The following OTOP2 variants were observed in gnomAD, a reference collection of about 807,000 sequenced individuals.
OTOP2 encodes otopetrin 2.
OTOP2 carries 41 observed loss-of-function variants against 47.4 expected under a neutral mutation model. That is an observed-to-expected ratio of 0.87 (90% CI 0.67 to 1.12). OTOP2 has a LOEUF of 1.12. OTOP2 is among the 50% of genes most tolerant of loss of function. The pLI, the probability that OTOP2 is intolerant of heterozygous loss-of-function variation, is 0.00. For synonymous variants in OTOP2, 328 were observed against 319.6 expected (o/e 1.03, Z -0.28); for missense variants, 721 against 752.2 (o/e 0.96, Z 0.49).
In OTOP2 at chr17:74,933,724, C is replaced by A; in HGVS notation, c.*179C>A. 1 of 698,416 alleles carries A rather than the reference C, an allele frequency of 1.4e-6. No homozygotes were observed. Among genetic ancestry groups the A allele is most frequent in the Non-Finnish European group, 2.3e-6 (1 of 443,882 alleles). The allele number at this position is 698,416 out of a possible 1,614,324, so 43.3% of individuals were successfully genotyped here. A position where few individuals can be genotyped will look rare whatever the true frequency, so the allele number is the denominator to read the frequency against. On this transcript the variant is annotated 3_prime_UTR_variant, in exon 7 of 7. Transcript: ENST00000331427. The surrounding 1 kb of genome is among the most constrained non-coding windows in gnomAD (Gnocchi z 4.7). The stretch of plus-strand genomic sequence containing the variant: ...TTCAATTTTTAAATCACAGTCAGGA[C>A]AGGCCCATCCACCCCAGTATGACCG...
rs1166913852 is a variant in OTOP2, at chr17:74,924,726, TCGGTGCTGCTGG to T, written c.100_111del (p.Leu34_Val37del). 3 of 1,608,188 alleles carry T rather than the reference TCGGTGCTGCTGG, an allele frequency of 1.9e-6. No individual in the cohort carries two copies. The highest frequency in any genetic ancestry group is 1.7e-6 in the Non-Finnish European group (2 of 1,177,958). ...GTGGAAGAAGGGTGGCCGCCTGCTG[TCGGTGCTGCTGG>T]CGGTGAACGTGCTGCTCCTCGCCTG... On this transcript the variant is annotated inframe_deletion, in exon 2 of 7. Coordinates refer to ENST00000331427, the MANE Select transcript of OTOP2 (RefSeq NM_178160.3). The surrounding 1 kb of genome is among the most constrained non-coding windows in gnomAD (Gnocchi z 7.7).
In OTOP2 at chr17:74,931,477, C is replaced by T. The variant is rs571674266; in HGVS notation, c.1518+324C>T. Among the ~76,000 whole-genome samples the T allele has an allele frequency of 1.8e-4, 27 of 152,268 alleles. 1 individual carries two copies. Among genetic ancestry groups the T allele is most frequent in the South Asian group, 1.2e-3 (6 of 4,824 alleles). On this transcript the variant is annotated intron_variant, in intron 6 of 6. Coordinates refer to ENST00000331427, the MANE Select transcript of OTOP2 (RefSeq NM_178160.3). ...CTGATGTGGAAGGCGGGGTCCTCAC[C>T]CCCCAGTGGGAGGTGTGACTGCTCC...
chr17:74,927,190 G>C (rs770463709), intron 3 of OTOP2, 33 bp from the exon 4 acceptor site: 23 of 1,580,444 alleles, frequency 1.5e-5, no homozygotes, highest in Admixed American at 1.3e-4. Context: ...CATCTATGGA[G>C]TAAATGACTC....
Position 74,930,474 on chromosome 17 carries a change from C to G in OTOP2, c.839C>G (p.Thr280Ser), listed in dbSNP as rs776160066. 22 of 1,613,816 alleles carry G rather than the reference C, an allele frequency of 1.4e-5. No homozygotes were observed. Among genetic ancestry groups the G allele is most frequent in the Non-Finnish European group, 1.8e-5 (21 of 1,179,790 alleles). Residue 280 changes from threonine to serine, a missense_variant, in exon 6 of 7, where the codon ACC (threonine) becomes AGC (serine). By Grantham distance (58) the Thr-to-Ser change is moderately conservative. Coordinates refer to ENST00000331427, the MANE Select transcript of OTOP2 (RefSeq NM_178160.3). The surrounding 1 kb of genome is among the most constrained non-coding windows in gnomAD (Gnocchi z 4.0). The part of the protein sequence containing the change: ...ASTPGHSHTP[T>S]PVSLFRETFF... ...ACCCCTGGCCACAGCCACACCCCAA[C>G]CCCTGTCAGCCTCTTCCGGGAGACC... is the stretch of plus-strand genomic sequence containing the variant.
intron 6 of OTOP2, among the ~76,000 whole-genome samples, chr17:74,932,229 C>A (rs940260857): frequency 2.0e-5 from 3 of 152,254 alleles, no homozygotes; most frequent in East Asian, 3.9e-4. Flanking sequence ...CCAGCTAGAA[C>A]CTCCAATAGA....
In OTOP2 at chr17:74,924,810, AC is replaced by A. The variant is rs1259232157; in HGVS notation, c.180del (p.Asp61ThrfsTer9). ...CTTCAACAAGGTGGCCGTGTACGAC[AC>A]CGACGTGTTCGCGCTGCTCACTGCG... ...GAFNKVAVYD[T>X]DVFALLTAMM... On this transcript the variant is annotated frameshift_variant, in exon 2 of 7. Coordinates refer to ENST00000331427, the MANE Select transcript of OTOP2 (RefSeq NM_178160.3). LOFTEE classifies it high-confidence loss of function. This position sits in a 1 kb window ranked among gnomAD's most constrained non-coding sequence, Gnocchi z 7.7. 1 of 1,610,462 alleles carries A rather than the reference AC, an allele frequency of 6.2e-7. No individual in the cohort carries two copies. Among genetic ancestry groups the A allele is most frequent in the African/African-American group, 1.3e-5 (1 of 75,008 alleles).
At chr17:74,929,154 T>C (rs944666173) in intron 5 of OTOP2, among the ~76,000 whole-genome samples, 1 of 152,006 alleles carries the variant, frequency 6.6e-6, no homozygotes, top group African/African-American at 2.4e-5. Context: ...AGGCCCAGAG[T>C]ATCCTACAAA....
At position 74,924,430 on chromosome 17, in the gene OTOP2, C is replaced by A. The variant is rs1837729939; in HGVS notation, c.-34+97C>A. On this transcript the variant is annotated intron_variant, in intron 1 of 6. Coordinates refer to ENST00000331427, the MANE Select transcript of OTOP2 (RefSeq NM_178160.3). The surrounding 1 kb of genome is among the most constrained non-coding windows in gnomAD (Gnocchi z 7.7). ...CCGCTTCTCCTTTCTTCCCATCCAG[C>A]GAGAGGGGCAGGTTCCGCATTTTCT... 5.1e-6 allele frequency: 3 copies of A among 587,150 alleles called. No homozygotes were observed. Among genetic ancestry groups the A allele is most frequent in the Non-Finnish European group, 5.7e-6 (2 of 348,024 alleles). The allele number at this position is 587,150 out of a possible 1,614,324, so 36.4% of individuals were successfully genotyped here. A position where few individuals can be genotyped will look rare whatever the true frequency, so the allele number is the denominator to read the frequency against.
Position 74,924,629 on chromosome 17 carries a change from C to A in OTOP2, c.-4C>A. 6.4e-7 allele frequency: 1 copy of A among 1,563,140 alleles called. No homozygotes were observed. The highest frequency in any genetic ancestry group is 2.3e-5 in the East Asian group (1 of 44,078). On this transcript the variant is annotated 5_prime_UTR_variant, in exon 2 of 7. Coordinates refer to ENST00000331427, the MANE Select transcript of OTOP2 (RefSeq NM_178160.3). This position sits in a 1 kb window ranked among gnomAD's most constrained non-coding sequence, Gnocchi z 7.7. ...CCCTCTAGCCTTCTCCAGTCGCCTCCGCCATGTCCGAGGAGCTGGCCCAGG... is the reference window on the plus strand; with the variant it reads ...CCCTCTAGCCTTCTCCAGTCGCCTCAGCCATGTCCGAGGAGCTGGCCCAGG...
In OTOP2 at chr17:74,924,778, G is replaced by A; in HGVS notation, c.146G>A (p.Gly49Asp). The change falls in exon 2 of 7, where the codon GGC becomes GAC. Residue 49 changes from glycine (G) to aspartate (D), a missense_variant. Gly to Asp is a moderately conservative substitution (Grantham distance 94). Coordinates refer to ENST00000331427, the MANE Select transcript of OTOP2 (RefSeq NM_178160.3). This position sits in a 1 kb window ranked among gnomAD's most constrained non-coding sequence, Gnocchi z 7.7. ...VLLLACTLIS[G>D]GAFNKVAVYD... is the part of the protein sequence containing the mutation. The stretch of plus-strand genomic sequence containing the variant: ...CTCCTCGCCTGCACGCTCATCAGCG[G>A]CGGAGCCTTCAACAAGGTGGCCGTG... The A allele has an allele frequency of 6.2e-7, 1 of 1,611,232 alleles. No individual in the cohort carries two copies. Among genetic ancestry groups the A allele is most frequent in the Non-Finnish European group, 8.5e-7 (1 of 1,179,110 alleles).
chr17:74,926,778 G>C (rs186894392), intron 3 of OTOP2, among the ~76,000 whole-genome samples: 1 of 140,396 alleles, frequency 7.1e-6, no homozygotes, highest in South Asian at 2.2e-4. Flanking sequence ...TTTTTTTTTC[G>C]AGATGGAGTC....
Position 74,927,299 on chromosome 17 carries a change from A to G in OTOP2, c.509+18A>G. The G allele has an allele frequency of 6.2e-7, 1 of 1,607,032 alleles. No individual in the cohort carries two copies. ...CTGACCTGGTGAGAACTGCAGCTCG[A>G]TGCCTGTACCCAGCGTGCTGGTGTT... is the stretch of plus-strand genomic sequence containing the variant. On this transcript the variant is annotated intron_variant, in intron 4 of 6. Transcript: ENST00000331427.
intron 4 of OTOP2, 66 bp downstream of exon 4, chr17:74,927,347 C>G: frequency 6.6e-7 from 1 of 1,526,250 alleles, no homozygotes; most frequent in Non-Finnish European, 9.1e-7. Flanking sequence ...GAGATTCAGG[C>G]TTTCCACCCT....
In OTOP2 at chr17:74,933,762, T is replaced by G; in HGVS notation, c.*217T>G. The G allele has an allele frequency of 2.0e-6, 1 of 497,508 alleles. No homozygotes were observed. The highest frequency in any genetic ancestry group is 3.5e-6 in the Non-Finnish European group (1 of 288,736). 30.8% of individuals were successfully genotyped at this position (497,508 alleles called of 1,614,324 possible). A position where few individuals can be genotyped will look rare whatever the true frequency, so the allele number is the denominator to read the frequency against. ...CCCAGTATGACCGTGGGGCATGAGG[T>G]GACTGGGGAAGGGAGACCTCTCCTG... is the stretch of plus-strand genomic sequence containing the variant. On this transcript the variant is annotated 3_prime_UTR_variant, in exon 7 of 7. Transcript: ENST00000331427. This position sits in a 1 kb window ranked among gnomAD's most constrained non-coding sequence, Gnocchi z 4.7.
At position 74,927,669 on chromosome 17, in the gene OTOP2, G is replaced by A. The variant is rs1168283760; in HGVS notation, c.514G>A (p.Gly172Ser). 6.2e-7 allele frequency: 1 copy of A among 1,613,460 alleles called. No individual in the cohort carries two copies. ...CCCACCCCTGACCCCAAACAGGTGT[G>A]GTCTCATGTTCACACTCACCACCAA... ...VHVHLDLTWCGLMFTLTTNLA... is the reference protein window; with the variant it reads ...VHVHLDLTWCSLMFTLTTNLA... Residue 172 changes from glycine (G) to serine (S), a missense_variant, in exon 5 of 7, where the codon GGT becomes AGT. Gly to Ser is a moderately conservative substitution (Grantham distance 56, BLOSUM62 0). Transcript: ENST00000331427.
chr17:74,927,404 C>T, intron 4 of OTOP2, 123 bp downstream of exon 4: 1 of 1,227,592 alleles, frequency 8.1e-7, no homozygotes, highest in Admixed American at 1.8e-5. Flanking sequence ...TGCAGCCAAG[C>T]CCTCCTTGCT....
In OTOP2 at chr17:74,925,662, C is replaced by T. The variant is rs2039000737; in HGVS notation, c.420C>T (p.Pro140=). 1.2e-6 allele frequency: 2 copies of T among 1,614,230 alleles called. No homozygotes were observed. Among genetic ancestry groups the T allele is most frequent in the Non-Finnish European group, 8.5e-7 (1 of 1,180,038 alleles). Residue 140 remains proline (P), a synonymous_variant, in exon 3 of 7, where the codon CCC becomes CCT. Transcript: ENST00000331427. ...AGTCAGCCATCAAGATCCTGCACCCCCTCATCCAGGCTGTGTTTGTCATCA... is the reference window on the plus strand; with the variant it reads ...AGTCAGCCATCAAGATCCTGCACCCTCTCATCCAGGCTGTGTTTGTCATCA... ...ECQSAIKILH[P]LIQAVFVIIQ...
chr17:74,927,818 T>C lies in OTOP2; in HGVS notation c.643+20T>C. Reference sequence around the variant, plus strand: ...CTGACCGTGAGTTTCCTCTTAATGCTGGCCCTGTGGCTACCAGGCCTTGGG... The same window carrying C: ...CTGACCGTGAGTTTCCTCTTAATGCCGGCCCTGTGGCTACCAGGCCTTGGG... On this transcript the variant is annotated intron_variant, in intron 5 of 6. Transcript: ENST00000331427. 1.2e-6 allele frequency: 2 copies of C among 1,612,054 alleles called. No homozygotes were observed. Among genetic ancestry groups the C allele is most frequent in the South Asian group, 2.2e-5 (2 of 90,722 alleles).
chr17:74,932,189 G>A (rs142174062), intron 6 of OTOP2, among the ~76,000 whole-genome samples: 1,590 of 152,206 alleles, frequency 0.01, 11 homozygotes, highest in Non-Finnish European at 0.018. Flanking sequence ...CAATTCTAAT[G>A]AAGTTTCACT....
Sources: allele counts gnomAD v4.1 joint callset (sites outside exome capture counted in the v4.1 genomes callset), GRCh38; gene constraint gnomAD v4.1.1; non-coding constraint Gnocchi (gnomAD v3.1); transcripts MANE v1.5; gene names NCBI Gene and HGNC (gene_info 2026-07-23, HGNC 2026-07-21).